Variants in CSMD1 observed in about 807,000 individuals in gnomAD.
CSMD1 encodes CUB and Sushi multiple domains 1.
In CSMD1, 213 loss-of-function variants were observed where a neutral mutation model predicts 417.5. The ratio of observed to expected loss-of-function variants is 0.51; its 90% CI spans 0.46 to 0.57. The LOEUF (loss-of-function observed/expected upper bound fraction) is 0.57, where lower values mean the gene tolerates loss of function less well. Among genes scored for constraint, CSMD1 ranks in the 20% least tolerant of loss-of-function variants. The pLI, the probability that CSMD1 is intolerant of heterozygous loss-of-function variation, is 0.00. For synonymous variants in CSMD1, 2,862 were observed against 1,736.8 expected, an observed-to-expected ratio of 1.65 and a Z score of -16.11; for missense variants, 6,923 against 4,529.7, an observed-to-expected ratio of 1.53 and a Z score of -15.17.
intron 1 of CSMD1, among the ~76,000 whole-genome samples, chr8:4,668,994 A>G (rs1018910626): frequency 6.6e-6 from 1 of 152,100 alleles, no homozygotes; most frequent in African/African-American, 2.4e-5. Flanking sequence ...TTAGGTGTCT[A>G]ATCTTCCTTT....
At chr8:4,409,492 G>C (rs116344688) in intron 3 of CSMD1, among the ~76,000 whole-genome samples, 6 of 152,072 alleles carry the variant, frequency 3.9e-5, no homozygotes, top group East Asian at 1.9e-4. Flanking sequence ...TGATATTTGA[G>C]AACAATAAAA....
chr8:4,470,174 C>G (rs1154075), intron 2 of CSMD1, among the ~76,000 whole-genome samples: 1,996 of 152,168 alleles, frequency 0.013, 38 homozygotes, highest in African/African-American at 0.046. Flanking sequence ...ATAACCTCAT[C>G]TATTCCTCTC....
At chr8:4,238,545 C>A (rs927814753) in intron 3 of CSMD1, among the ~76,000 whole-genome samples, 4 of 152,188 alleles carry the variant, frequency 2.6e-5, no homozygotes, top group Non-Finnish European at 4.4e-5. Flanking sequence ...GAGGTTGATT[C>A]TGCTGGTGAT....
rs374344994 is a variant in CSMD1 at position 3,779,483 on chromosome 8, T to C, written c.819-25441A>G. Among the ~76,000 whole-genome samples the C allele has an allele frequency of 1.6e-4, 25 of 152,312 alleles. No homozygotes were observed. In the East Asian group the frequency reaches 2.7e-3, roughly 16 times the overall value. The stretch of plus-strand genomic sequence containing the variant: ...TAGACATCTTAAAACAATCCTTTTA[T>C]AGTATTCACTGATTTCATCAAATAT... On this transcript the variant is annotated intron_variant, in intron 5 of 69. Coordinates refer to ENST00000635120, the MANE Select transcript of CSMD1 (RefSeq NM_033225.6).
intron 1 of CSMD1, among the ~76,000 whole-genome samples, chr8:4,648,888 A>G (rs1456510552): frequency 6.6e-6 from 1 of 152,216 alleles, no homozygotes; most frequent in African/African-American, 2.4e-5. Flanking sequence ...ACAAAGGATA[A>G]GAGTGTGCTT....
chr8:3,992,348 T>A (rs1404553604), intron 5 of CSMD1, among the ~76,000 whole-genome samples: 1 of 152,188 alleles, frequency 6.6e-6, no homozygotes, highest in Non-Finnish European at 1.5e-5. Flanking sequence ...TTTGTAATCT[T>A]ATTTTGTTCC....
chr8:4,901,063 C>A (rs1411662945), intron 1 of CSMD1, among the ~76,000 whole-genome samples: 3 of 152,216 alleles, frequency 2.0e-5, no homozygotes, highest in East Asian at 1.9e-4. Flanking sequence ...GGAGATTACA[C>A]AGAGTTGAAG....
At chr8:3,965,273 C>A (rs1812594317) in intron 5 of CSMD1, among the ~76,000 whole-genome samples, 1 of 152,196 alleles carries the variant, frequency 6.6e-6, no homozygotes, top group African/African-American at 2.4e-5. Context: ...CTCCCTTAAA[C>A]AGGGAACTCA....
chr8:4,478,403 CT>C (rs1377605219), intron 2 of CSMD1, among the ~76,000 whole-genome samples: 1 of 152,076 alleles, frequency 6.6e-6, no homozygotes, highest in Non-Finnish European at 1.5e-5. Context: ...TATTGAAATA[CT>C]TTGTAAAGTT....
At chr8:4,952,986 C>A (rs774976303) in intron 1 of CSMD1, among the ~76,000 whole-genome samples, 3 of 152,088 alleles carry the variant, frequency 2.0e-5, no homozygotes, top group African/African-American at 7.2e-5. Flanking sequence ...TATTCCACAT[C>A]CATGCATTCA....
chr8:4,367,693 G>C lies in CSMD1; in HGVS notation c.415+52260C>G, dbSNP rs184602875. On this transcript the variant is annotated intron_variant, in intron 3 of 69. Coordinates refer to ENST00000635120, the MANE Select transcript of CSMD1 (RefSeq NM_033225.6). ...CAATATTGAGTCTTCCTGACCATGA[G>C]CACTGAATGGTTTTCATCTGTTTCT... Among the ~76,000 whole-genome samples, 351 of 152,216 alleles carry C rather than the reference G, an allele frequency of 2.3e-3. 2 individuals carry two copies. Among genetic ancestry groups the C allele is most frequent in the African/African-American group, 8.2e-3 (340 of 41,540 alleles).
intron 55 of CSMD1, among the ~76,000 whole-genome samples, chr8:2,975,665 T>C (rs956176259): frequency 3.3e-5 from 5 of 152,228 alleles, no homozygotes; most frequent in Non-Finnish European, 5.9e-5. Context: ...TAAATGACCA[T>C]TTCCAGGTGA....
chr8:4,200,581 G>A (rs917696675), intron 3 of CSMD1, among the ~76,000 whole-genome samples: 7 of 152,118 alleles, frequency 4.6e-5, no homozygotes, highest in African/African-American at 1.4e-4. Context: ...ATCTTGGCGG[G>A]CCTGGAGGCT....
chr8:4,343,016 T>G (rs1299259904), intron 3 of CSMD1, among the ~76,000 whole-genome samples: 2 of 152,118 alleles, frequency 1.3e-5, no homozygotes, highest in African/African-American at 2.4e-5. Context: ...GCACCTGACT[T>G]GTGCCTCCTC....
intron 3 of CSMD1, among the ~76,000 whole-genome samples, chr8:4,148,241 T>C (rs1307361663): frequency 1.3e-5 from 2 of 151,500 alleles, no homozygotes; most frequent in Admixed American, 6.6e-5. Flanking sequence ...TAAAACAAAA[T>C]GAAAAACTCA....
chr8:4,141,191 C>T lies in CSMD1; in HGVS notation c.416-109092G>A, dbSNP rs112730335. Reference sequence around the variant, plus strand: ...CACAGTTTCAAAAAATTATTCCCAGCCTTGTGATCTATCAGAAAGACTGGA... The same window carrying T: ...CACAGTTTCAAAAAATTATTCCCAGTCTTGTGATCTATCAGAAAGACTGGA... On this transcript the variant is annotated intron_variant, in intron 3 of 69. Coordinates refer to ENST00000635120, the MANE Select transcript of CSMD1 (RefSeq NM_033225.6). Among the ~76,000 whole-genome samples the T allele has an allele frequency of 3.3e-5, 5 of 151,232 alleles. 1 individual carries two copies. The highest frequency in any genetic ancestry group is 1.2e-4 in the African/African-American group (5 of 40,542).
intron 5 of CSMD1, among the ~76,000 whole-genome samples, chr8:3,810,074 C>A (rs1475786081): frequency 6.6e-6 from 1 of 152,144 alleles, no homozygotes; most frequent in South Asian, 2.1e-4. Context: ...TATTATCATG[C>A]TTGTCACATT....
chr8:4,269,472 A>C (rs936381060), intron 3 of CSMD1, among the ~76,000 whole-genome samples: 6 of 152,188 alleles, frequency 3.9e-5, no homozygotes, highest in Non-Finnish European at 7.3e-5. Flanking sequence ...ATCAGAGCTC[A>C]TGTATTCTTT....
chr8:3,000,115 G>A lies in CSMD1; in HGVS notation c.8046C>T (p.Ser2682=), dbSNP rs778898826. 1.9e-6 allele frequency: 3 copies of A among 1,552,740 alleles called. No individual in the cohort carries two copies. The East Asian group carries it at 6.9e-5, about 36-fold the overall frequency. ...ETRCLAGHCG[S]PDPIVNGHIS... is the part of the protein sequence containing the mutation. ...TGTGACCGTTCACAATCGGGTCTGG[G>A]GAACCGCAGTGGCCAGCTAAAAATG... The change falls in exon 53 of 70, where the codon TCC becomes TCT. Residue 2682 remains serine, a synonymous_variant. Coordinates refer to ENST00000635120, the MANE Select transcript of CSMD1 (RefSeq NM_033225.6).
Sources: allele counts gnomAD v4.1 joint callset (sites outside exome capture counted in the v4.1 genomes callset), GRCh38; gene constraint gnomAD v4.1.1; transcripts MANE v1.5; gene names NCBI Gene and HGNC (gene_info 2026-07-23, HGNC 2026-07-21).